SYF2: variants seen among roughly 807,000 people sequenced by gnomAD.
SYF2 encodes SYF2 pre-mRNA splicing factor.
SYF2 carries 21 observed loss-of-function variants against 32.7 expected under a neutral mutation model. The ratio of observed to expected loss-of-function variants is 0.64; its 90% CI spans 0.45 to 0.92. The LOEUF (loss-of-function observed/expected upper bound fraction) is 0.92, where lower values mean the gene tolerates loss of function less well. Among genes scored for constraint, SYF2 ranks in the 40% least tolerant of loss-of-function variants. The probability of loss-of-function intolerance (pLI) is 0.00; values close to 1 mark genes in which losing one functional copy is unlikely to be tolerated. For missense variants in SYF2, 278 were observed against 296.5 expected (o/e 0.94, Z 0.46); for synonymous variants, 114 against 103.9 (o/e 1.10, Z -0.59).
rs1638446146 is a variant in SYF2, at chr1:25,223,381, G to A, written c.617C>T (p.Ala206Val). 6.2e-7 allele frequency: 1 copy of A among 1,613,746 alleles called. No homozygotes were observed. The highest frequency in any genetic ancestry group is 8.5e-7 in the Non-Finnish European group (1 of 1,179,892). The change falls in exon 7 of 7, where the codon GCA becomes GTA. Residue 206 changes from alanine to valine, a missense_variant. Ala to Val is a moderately conservative substitution (Grantham distance 64, BLOSUM62 0). Coordinates refer to ENST00000236273, the MANE Select transcript of SYF2 (RefSeq NM_015484.5). Reference sequence around the variant, plus strand: ...CCTTTCATTAATGTAGTCGATATCTGCATCATCATTATAAGGACGTCTCCG... The same window carrying A: ...CCTTTCATTAATGTAGTCGATATCTACATCATCATTATAAGGACGTCTCCG... Reference protein sequence around the residue: ...YSRRRPYNDDADIDYINERNA... With the variant: ...YSRRRPYNDDVDIDYINERNA...
chr1:25,223,977 T>A (rs1260008705), intron 6 of SYF2, among the ~76,000 whole-genome samples: 1 of 152,188 alleles, frequency 6.6e-6, no homozygotes, highest in Non-Finnish European at 1.5e-5. Flanking sequence ...GTAGATCACC[T>A]GAGGCCAGGA....
intron 3 of SYF2, 97 bp from the exon 4 acceptor site, chr1:25,228,332 C>T: frequency 1.9e-6 from 2 of 1,063,416 alleles, no homozygotes; most frequent in Non-Finnish European, 2.8e-6. Context: ...TCAACCAATA[C>T]TTTAATAGTA....
chr1:25,229,534 G>T (rs1241875445), intron 2 of SYF2, among the ~76,000 whole-genome samples: 1 of 152,098 alleles, frequency 6.6e-6, no homozygotes, highest in East Asian at 1.9e-4. Context: ...TAGCACTTTG[G>T]GAGGCTGAGG....
Position 25,227,638 on chromosome 1 carries a change from G to A in SYF2, c.377-106C>T, listed in dbSNP as rs41310393. On this transcript the variant is annotated intron_variant, in intron 4 of 6. Transcript: ENST00000236273. ...CAGGTGAGTATCTTTTATCCAAAAC[G>A]CTTGGAATCGGAAGTGTTTCTGATT... The A allele has an allele frequency of 4.7e-3, 4,483 of 956,662 alleles. 19 individuals carry two copies. Among genetic ancestry groups the A allele is most frequent in the Non-Finnish European group, 5.4e-3 (3,498 of 648,340 alleles). The allele number at this position is 956,662 out of a possible 1,614,324, so 59.3% of individuals were successfully genotyped here. A position where few individuals can be genotyped will look rare whatever the true frequency, so the allele number is the denominator to read the frequency against.
intron 2 of SYF2, chr1:25,230,922 T>G (rs970924337): frequency 1.3e-5 from 2 of 151,106 alleles, no homozygotes; most frequent in African/African-American, 2.4e-5. Flanking sequence ...CTCGGGCTCA[T>G]GCCATTCTCC....
chr1:25,229,822 C>CT (rs912726470), intron 2 of SYF2, among the ~76,000 whole-genome samples: 1,946 of 141,634 alleles, frequency 0.014, 36 homozygotes, highest in African/African-American at 0.043. Context: ...GACACTCTTT[C>CT]TTTTTTTTTT....
At chr1:25,228,818 C>G (rs955411539) in intron 3 of SYF2, among the ~76,000 whole-genome samples, 180 bp downstream of exon 3, 3 of 152,130 alleles carry the variant, frequency 2.0e-5, no homozygotes, top group Admixed American at 1.3e-4. Flanking sequence ...GATGAGAAAA[C>G]AGAGGTACAG....
At chr1:25,232,266 G>A in intron 1 of SYF2, 55 bp from the exon 2 acceptor site, 1 of 1,569,568 alleles carries the variant, frequency 6.4e-7, no homozygotes, top group Non-Finnish European at 8.6e-7. Flanking sequence ...TCCCAGGACT[G>A]CCCAGGCCGA....
At chr1:25,231,892 G>A (rs931893470) in intron 2 of SYF2, 8 of 625,430 alleles carry the variant, frequency 1.3e-5, no homozygotes, top group African/African-American at 7.3e-5. Flanking sequence ...GTGGGTGGGA[G>A]AGGGGCTGGA....
intron 5 of SYF2, among the ~76,000 whole-genome samples, chr1:25,226,636 A>C (rs939264290): frequency 1.3e-5 from 2 of 152,226 alleles, no homozygotes; most frequent in African/African-American, 4.8e-5. Context: ...AGAACAAAAC[A>C]AAAAACATGT....
At chr1:25,228,922 C>T (rs1638570871) in intron 3 of SYF2, 76 bp downstream of exon 3, 4 of 1,542,130 alleles carry the variant, frequency 2.6e-6, no homozygotes, top group Non-Finnish European at 1.7e-6. Context: ...CCAGTGTATA[C>T]AACCACCATG....
chr1:25,223,183 G>T lies in SYF2; in HGVS notation c.*83C>A. On this transcript the variant is annotated 3_prime_UTR_variant, in exon 7 of 7. Coordinates refer to ENST00000236273, the MANE Select transcript of SYF2 (RefSeq NM_015484.5). ...ATGGACTACTAAATTCTGGATTACT[G>T]ATAAAATTTCAAAAAGAACTTGATT... 7.2e-7 allele frequency: 1 copy of T among 1,385,640 alleles called. No individual in the cohort carries two copies. 85.8% of individuals were successfully genotyped at this position (1,385,640 alleles called of 1,614,324 possible). A position where few individuals can be genotyped will look rare whatever the true frequency, so the allele number is the denominator to read the frequency against.
chr1:25,222,571 A>G lies in SYF2; in HGVS notation c.*695T>C, dbSNP rs571307560. 2.6e-5 allele frequency: 4 copies of G among 152,126 alleles called. No individual in the cohort carries two copies. The highest frequency in any genetic ancestry group is 6.6e-5 in the Admixed American group (1 of 15,244). 9.4% of individuals were successfully genotyped at this position (152,126 alleles called of 1,614,324 possible). On this transcript the variant is annotated 3_prime_UTR_variant, in exon 7 of 7. Coordinates refer to ENST00000236273, the MANE Select transcript of SYF2 (RefSeq NM_015484.5). ...CTCACCAGGGGTATTGGGTGTATGG[A>G]ATTTCCCATAATAAAATATTCTTTC... is the stretch of plus-strand genomic sequence containing the variant.
Position 25,225,038 on chromosome 1 carries a change from T to G in SYF2, c.530A>C (p.Glu177Ala). 1 of 1,614,112 alleles carries G rather than the reference T, an allele frequency of 6.2e-7. No individual in the cohort carries two copies. ...ATCTATGACCATCCTGTCAATTTCC[T>G]CTGTGGAAGGCACATGTGTTCCATG... Reference protein sequence around the residue: ...LLHGTHVPSTEEIDRMVIDLE... With the variant: ...LLHGTHVPSTAEIDRMVIDLE... Residue 177 changes from glutamate (E) to alanine (A), a missense_variant, in exon 6 of 7, where the codon GAG becomes GCG. Transcript: ENST00000236273.
chr1:25,229,044 T>C lies in SYF2; in HGVS notation c.212A>G (p.Lys71Arg), dbSNP rs1638574249. ...TAGTTCCCACTCCAAACGAGCTTTT[T>C]TGGCTTCCCAATTTGCAGGTAATTT... ...RLKLPANWEA[K>R]KARLEWELKE... The change falls in exon 3 of 7, where the codon AAA becomes AGA. Residue 71 changes from lysine to arginine, a missense_variant. By Grantham distance (26) the Lys-to-Arg change is conservative (BLOSUM62 2). Transcript: ENST00000236273. 3 of 1,613,988 alleles carry C rather than the reference T, an allele frequency of 1.9e-6. No individual in the cohort carries two copies. Among genetic ancestry groups the C allele is most frequent in the Non-Finnish European group, 2.5e-6 (3 of 1,180,018 alleles).
chr1:25,229,761 C>T (rs1252659985), intron 2 of SYF2, among the ~76,000 whole-genome samples: 3 of 145,674 alleles, frequency 2.1e-5, no homozygotes, highest in Non-Finnish European at 4.5e-5. Flanking sequence ...GGTGACAGAG[C>T]GAGACTCCAT....
intron 2 of SYF2, chr1:25,231,004 C>A (rs1638618096): frequency 6.6e-6 from 1 of 152,138 alleles, no homozygotes; most frequent in Admixed American, 6.6e-5. Context: ...GACGGGGTTT[C>A]ACCGTGTTAG....
intron 2 of SYF2, chr1:25,230,863 C>T (rs1638614511): frequency 6.6e-6 from 1 of 151,012 alleles, no homozygotes; most frequent in South Asian, 2.1e-4. Context: ...GCTCTGTCGC[C>T]CAGGCTGGAG....
In SYF2 at chr1:25,232,488, A is replaced by C. The variant is rs762264377; in HGVS notation, c.-21T>G. 6.2e-7 allele frequency: 1 copy of C among 1,613,988 alleles called. No homozygotes were observed. The highest frequency in any genetic ancestry group is 8.5e-7 in the Non-Finnish European group (1 of 1,179,990). ...GCCATCACAACCTTTCTCTCTTCCC[A>C]CTTCCGGCAACAAGATAGAGCACTT... On this transcript the variant is annotated 5_prime_UTR_variant, in exon 1 of 7. Coordinates refer to ENST00000236273, the MANE Select transcript of SYF2 (RefSeq NM_015484.5).
Sources: allele counts gnomAD v4.1 joint callset (sites outside exome capture counted in the v4.1 genomes callset), GRCh38; gene constraint gnomAD v4.1.1; transcripts MANE v1.5; gene names NCBI Gene and HGNC (gene_info 2026-07-23, HGNC 2026-07-21).